RHOBTB1: variants seen among roughly 807,000 people sequenced by gnomAD.
RHOBTB1 encodes rho-related BTB domain-containing protein 1.
Under a neutral mutation model 71.6 loss-of-function variants are expected in RHOBTB1, and 40 were observed. That is an observed-to-expected ratio of 0.56 (90% CI 0.43 to 0.73). RHOBTB1 has a LOEUF of 0.73. Ranked by LOEUF, RHOBTB1 falls within the 30% of genes least tolerant of loss-of-function variation. The pLI is 0.00. For synonymous variants in RHOBTB1, 319 were observed against 334.9 expected (o/e 0.95, Z 0.52); for missense variants, 797 against 894.0 (o/e 0.89, Z 1.38).
intron 4 of RHOBTB1, among the ~76,000 whole-genome samples, chr10:60,900,708 A>C (rs981070010): frequency 2.6e-5 from 4 of 152,220 alleles, no homozygotes; most frequent in Non-Finnish European, 5.9e-5. Context: ...TCAAAGTCTA[A>C]AACAGATGAA....
intron 1 of RHOBTB1, among the ~76,000 whole-genome samples, chr10:60,993,025 A>G (rs1050190796): frequency 1.3e-5 from 2 of 152,198 alleles, no homozygotes; most frequent in African/African-American, 2.4e-5. Flanking sequence ...TCTTAGGTGC[A>G]TGCCTCTTTA....
At chr10:60,918,049 G>A (rs2083361553) in intron 2 of RHOBTB1, among the ~76,000 whole-genome samples, 1 of 152,190 alleles carries the variant, frequency 6.6e-6, no homozygotes, top group South Asian at 2.1e-4. Flanking sequence ...CTGTGTGCAT[G>A]TGTGTGTGGT....
chr10:60,988,245 A>G (rs1347041605), intron 1 of RHOBTB1, among the ~76,000 whole-genome samples: 1 of 151,992 alleles, frequency 6.6e-6, no homozygotes, highest in Non-Finnish European at 1.5e-5. Flanking sequence ...GAAATACTCA[A>G]CTTTTAACAC....
intron 5 of RHOBTB1, among the ~76,000 whole-genome samples, chr10:60,890,038 T>C (rs1233907695): frequency 6.6e-6 from 1 of 152,222 alleles, no homozygotes; most frequent in Non-Finnish European, 1.5e-5. Flanking sequence ...ATTTCTGTTC[T>C]ACATTCTGAG....
chr10:60,958,343 G>T (rs73266087), intron 2 of RHOBTB1, among the ~76,000 whole-genome samples: 2 of 152,084 alleles, frequency 1.3e-5, no homozygotes, highest in Non-Finnish European at 2.9e-5. Context: ...TGAGCCAACC[G>T]TCTTGCAAAA....
intron 2 of RHOBTB1, among the ~76,000 whole-genome samples, chr10:60,930,896 T>C (rs960292606): frequency 3.9e-5 from 6 of 152,082 alleles, no homozygotes; most frequent in Admixed American, 3.9e-4. Flanking sequence ...AATAAACGAA[T>C]CTTTCTTGGG....
chr10:60,908,157 G>A (rs566906785), intron 4 of RHOBTB1, among the ~76,000 whole-genome samples: 1 of 152,296 alleles, frequency 6.6e-6, no homozygotes, highest in Admixed American at 6.5e-5. Flanking sequence ...GCCTACCACT[G>A]ACAACTCCTC....
chr10:60,903,766 A>G (rs2082528021), intron 4 of RHOBTB1, among the ~76,000 whole-genome samples: 1 of 152,156 alleles, frequency 6.6e-6, no homozygotes, highest in African/African-American at 2.4e-5. Flanking sequence ...GTGTGACAGT[A>G]TGACAGTGTC....
intron 2 of RHOBTB1, among the ~76,000 whole-genome samples, chr10:60,936,666 A>G (rs2084602512): frequency 6.6e-6 from 1 of 152,256 alleles, no homozygotes; most frequent in South Asian, 2.1e-4. Context: ...CAGCACTGGC[A>G]TCAATGGGGA....
chr10:60,911,056 C>A, intron 3 of RHOBTB1, 66 bp from the exon 4 acceptor site: 1 of 1,251,752 alleles, frequency 8.0e-7, no homozygotes, highest in South Asian at 1.2e-5. Context: ...GAAGCGTGTT[C>A]AAGTCAGCAC....
chr10:60,921,863 A>G (rs1399405436), intron 2 of RHOBTB1, among the ~76,000 whole-genome samples: 2 of 152,174 alleles, frequency 1.3e-5, no homozygotes, highest in Non-Finnish European at 2.9e-5. Flanking sequence ...TGTTTGACAG[A>G]TGGCATTGCA....
chr10:60,900,066 G>A (rs528288482), intron 4 of RHOBTB1, among the ~76,000 whole-genome samples: 107 of 152,300 alleles, frequency 7.0e-4, no homozygotes, highest in African/African-American at 2.5e-3. Flanking sequence ...TGGAGGAAGG[G>A]ACCATGCCAT....
At chr10:61,001,064 G>A (rs2087248288) in intron 1 of RHOBTB1, among the ~76,000 whole-genome samples, 2 of 151,820 alleles carry the variant, frequency 1.3e-5, no homozygotes, top group Admixed American at 6.5e-5. Flanking sequence ...GTGTGTGAGT[G>A]CGCGCGCGCG....
At chr10:60,987,183 T>G (rs2086694934) in intron 1 of RHOBTB1, among the ~76,000 whole-genome samples, 1 of 152,188 alleles carries the variant, frequency 6.6e-6, no homozygotes, top group Non-Finnish European at 1.5e-5. Context: ...CCACATCTTT[T>G]TCTTGACTTC....
At chr10:60,918,334 CA>C (rs977807784) in intron 2 of RHOBTB1, among the ~76,000 whole-genome samples, 3 of 152,136 alleles carry the variant, frequency 2.0e-5, no homozygotes, top group South Asian at 2.1e-4. Context: ...TACCCCAACC[CA>C]ACCTTCAGTC....
At chr10:60,878,425 G>A (rs183083408) in intron 7 of RHOBTB1, among the ~76,000 whole-genome samples, 6 of 152,248 alleles carry the variant, frequency 3.9e-5, no homozygotes, top group East Asian at 3.9e-4. Context: ...GGTGTTGGGC[G>A]GAGCTGCAAA....
chr10:60,863,070 A>G, the RHOBTB1 span, among the ~76,000 whole-genome samples: 5 of 152,122 alleles, frequency 3.3e-5, no homozygotes, highest in Admixed American at 2.0e-4. Context: ...GATTCTGTGC[A>G]TGTGTAGGGT....
Position 60,888,891 on chromosome 10 carries a change from T to A in RHOBTB1, c.777A>T (p.Leu259Phe). The A allele has an allele frequency of 6.2e-7, 1 of 1,614,164 alleles. No individual in the cohort carries two copies. Among genetic ancestry groups the A allele is most frequent in the Non-Finnish European group, 8.5e-7 (1 of 1,180,018 alleles). ...PSMGTNEAAC[L>F]LDNPLCADVL... ...CATCGGCACATAGAGGATTGTCCAG[T>A]AAACAGGCAGCTTCATTTGTCCCCA... The change falls in exon 6 of 11, where the codon TTA (leucine) becomes TTT (phenylalanine). Residue 259 changes from leucine to phenylalanine, a missense_variant. This residue lies in a region of RHOBTB1 where 658 missense variants were observed against 681.5 expected (regional missense o/e 0.97). Coordinates refer to ENST00000337910, the MANE Select transcript of RHOBTB1 (RefSeq NM_014836.5).
intron 6 of RHOBTB1, 67 bp downstream of exon 6, chr10:60,888,145 A>C: frequency 2.0e-6 from 3 of 1,525,548 alleles, no homozygotes; most frequent in Non-Finnish European, 1.8e-6. Flanking sequence ...TCTCCTGCTC[A>C]TGTCTGGCTA....
Sources: allele counts gnomAD v4.1 joint callset (sites outside exome capture counted in the v4.1 genomes callset), GRCh38; gene constraint gnomAD v4.1.1; regional missense constraint gnomAD v4.1.1; transcripts MANE v1.5; gene names NCBI Gene and HGNC (gene_info 2026-07-23, HGNC 2026-07-21).